TRPS1: variants seen among roughly 807,000 people sequenced by gnomAD.
The protein encoded by TRPS1 is transcriptional repressor GATA binding 1, also known as zinc finger transcription factor Trps1.
Under a neutral mutation model 101.2 loss-of-function variants are expected in TRPS1, and 6 were observed. That is an observed-to-expected ratio of 0.06 (90% confidence interval 0.03 to 0.12). The LOEUF (loss-of-function observed/expected upper bound fraction) is 0.12, where lower values mean the gene tolerates loss of function less well. TRPS1 is among the 10% of genes least tolerant of loss of function. The probability of loss-of-function intolerance (pLI) is 1.00; values close to 1 mark genes in which losing one functional copy is unlikely to be tolerated. For missense variants in TRPS1, 1,363 were observed against 1,567.0 expected (o/e 0.87, Z 2.20); for synonymous variants, 578 against 589.8 (o/e 0.98, Z 0.29).
At chr8:115,474,928 A>C (rs1668088408) in intron 5 of TRPS1, among the ~76,000 whole-genome samples, 1 of 152,158 alleles carries the variant, frequency 6.6e-6, no homozygotes, top group East Asian at 1.9e-4. Flanking sequence ...GAAAAGAGAA[A>C]AAAATTATGG....
chr8:115,557,686 T>C (rs982842032), intron 5 of TRPS1, among the ~76,000 whole-genome samples: 6 of 152,184 alleles, frequency 3.9e-5, no homozygotes, highest in African/African-American at 1.4e-4. Context: ...TGTGAGTCAA[T>C]GACACCTCTT....
intron 5 of TRPS1, among the ~76,000 whole-genome samples, chr8:115,488,356 C>T (rs1210439345): frequency 1.3e-5 from 2 of 152,062 alleles, no homozygotes; most frequent in African/African-American, 2.4e-5. Flanking sequence ...TGGTGTGGAA[C>T]CAAGCCCACA....
chr8:115,540,421 T>C (rs1816424770), intron 5 of TRPS1, among the ~76,000 whole-genome samples: 1 of 151,904 alleles, frequency 6.6e-6, no homozygotes, highest in South Asian at 2.1e-4. Flanking sequence ...ACGAAATGAG[T>C]CCAGCAACAA....
chr8:115,587,731 T>C, intron 4 of TRPS1, 127 bp from the exon 5 acceptor site: 1 of 1,496,914 alleles, frequency 6.7e-7, no homozygotes, highest in Non-Finnish European at 9.1e-7. Flanking sequence ...AAATGCAATA[T>C]TCTTAACACC....
intron 1 of TRPS1, among the ~76,000 whole-genome samples, chr8:115,650,503 A>G (rs1811535484): frequency 1.3e-5 from 2 of 152,236 alleles, no homozygotes; most frequent in Admixed American, 1.3e-4. Context: ...TTAATTTTCC[A>G]GAGCTGTTTA....
Position 115,668,028 on chromosome 8 carries a change from AGCGAGGGGGAGTGGGGCT to A in TRPS1, c.-122+499_-122+516del, listed in dbSNP as rs1811970071. On this transcript the variant is annotated intron_variant, in intron 1 of 6. Transcript: ENST00000395715. ...GAATTAAAATCAGCCAGAAAGAGAC[AGCGAGGGGGAGTGGGGCT>A]GCGAGGGGGAGGGGGCACCGGCCTG... The A allele has an allele frequency of 6.3e-6, 5 of 795,972 alleles. No individual in the cohort carries two copies. In the Admixed American group the frequency reaches 7.0e-5, roughly 11 times the overall value. The allele number at this position is 795,972 out of a possible 1,614,324, so 49.3% of individuals were successfully genotyped here.
In TRPS1 at chr8:115,619,958, T is replaced by A; in HGVS notation, c.140A>T (p.Asn47Ile). 6.2e-7 allele frequency: 1 copy of A among 1,614,224 alleles called. No homozygotes were observed. The highest frequency in any genetic ancestry group is 8.5e-7 in the Non-Finnish European group (1 of 1,180,046). The change falls in exon 3 of 7, where the codon AAC becomes ATC. Residue 47 changes from asparagine to isoleucine, a missense_variant. This residue lies in a region of TRPS1 where 1,020 missense variants were observed against 1,073.0 expected (regional missense o/e 0.95). Coordinates refer to ENST00000395715, the MANE Select transcript of TRPS1 (RefSeq NM_014112.5). Reference sequence around the variant, plus strand: ...CATCTGATCTGCAGAAAATTCTTTGTTCTTTCCAGATACCTTGCTTTCTGT... The same window carrying A: ...CATCTGATCTGCAGAAAATTCTTTGATCTTTCCAGATACCTTGCTTTCTGT... ...IGTESKVSGK[N>I]KEFSADQMSE... is the part of the protein sequence containing the mutation.
chr8:115,666,692 G>A (rs1182896390), intron 1 of TRPS1, among the ~76,000 whole-genome samples: 3 of 152,158 alleles, frequency 2.0e-5, no homozygotes, highest in African/African-American at 7.2e-5. Context: ...AGATCCATAG[G>A]TTTTAGCTTC....
At chr8:115,448,515 T>C (rs1262162980) in intron 5 of TRPS1, among the ~76,000 whole-genome samples, 2 of 152,140 alleles carry the variant, frequency 1.3e-5, no homozygotes, top group African/African-American at 4.8e-5. Flanking sequence ...TTTCCGGCTA[T>C]TCTTTCATGC....
At chr8:115,492,271 T>C (rs1481715367) in intron 5 of TRPS1, 7 of 455,998 alleles carry the variant, frequency 1.5e-5, no homozygotes, top group African/African-American at 1.4e-4. Context: ...GTTCAGGAAA[T>C]GTGTTTGGCG....
chr8:115,424,750 T>C (rs182946850), intron 5 of TRPS1, among the ~76,000 whole-genome samples: 8 of 152,370 alleles, frequency 5.3e-5, no homozygotes, highest in Admixed American at 4.6e-4. Flanking sequence ...TAATACTTGC[T>C]TATTTTCACA....
chr8:115,642,501 C>T (rs1440368897), intron 1 of TRPS1, among the ~76,000 whole-genome samples: 5 of 151,830 alleles, frequency 3.3e-5, no homozygotes, highest in African/African-American at 1.2e-4. Context: ...ACTTACATAA[C>T]CAAAAGAGTA....
chr8:115,469,251 C>T (rs1240171284), intron 5 of TRPS1, among the ~76,000 whole-genome samples: 1 of 152,160 alleles, frequency 6.6e-6, no homozygotes, highest in Non-Finnish European at 1.5e-5. Flanking sequence ...TTCACAGTTG[C>T]ATAACAGGCT....
Position 115,491,745 on chromosome 8 carries a change from C to T in TRPS1, c.2701-73293G>A, listed in dbSNP as rs955668471. 3.3e-5 allele frequency among the ~76,000 whole-genome samples: 5 copies of T among 152,180 alleles called. No individual in the cohort carries two copies. In the East Asian group the frequency reaches 9.6e-4, roughly 29 times the overall value. On this transcript the variant is annotated intron_variant, in intron 5 of 6. Transcript: ENST00000395715. Reference sequence around the variant, plus strand: ...AGCAAGCAAGCCTGATACTGCTGCCCACCCTCAACCGCCTGTTGCTGAGAA... The same window carrying T: ...AGCAAGCAAGCCTGATACTGCTGCCTACCCTCAACCGCCTGTTGCTGAGAA...
intron 6 of TRPS1, among the ~76,000 whole-genome samples, chr8:115,416,870 T>G (rs1812934664): frequency 1.3e-5 from 2 of 152,140 alleles, no homozygotes; most frequent in African/African-American, 4.8e-5. Context: ...ATATTAGCAT[T>G]ATAAACATAT....
At chr8:115,439,836 C>G (rs1431145663) in intron 5 of TRPS1, among the ~76,000 whole-genome samples, 1 of 152,178 alleles carries the variant, frequency 6.6e-6, no homozygotes, top group African/African-American at 2.4e-5. Flanking sequence ...TTACTGTATA[C>G]AGTGTCTCAC....
At chr8:115,494,651 T>G (rs1275421362) in intron 5 of TRPS1, among the ~76,000 whole-genome samples, 3 of 152,212 alleles carry the variant, frequency 2.0e-5, no homozygotes, top group African/African-American at 7.2e-5. Flanking sequence ...TTTTTTTCTC[T>G]CTTTCTCTCT....
At chr8:115,423,325 A>G (rs914998019) in intron 5 of TRPS1, among the ~76,000 whole-genome samples, 5 of 152,220 alleles carry the variant, frequency 3.3e-5, no homozygotes, top group Non-Finnish European at 1.5e-5. Flanking sequence ...GAATAATGGT[A>G]CAAACAGTTA....
At chr8:115,639,483 T>C (rs566181903) in intron 1 of TRPS1, among the ~76,000 whole-genome samples, 3 of 152,314 alleles carry the variant, frequency 2.0e-5, no homozygotes, top group East Asian at 3.9e-4. Context: ...TTGACTCTTA[T>C]GCTTTAAGAT....
Sources: gnomAD v4.1 joint callset for allele counts (sites outside exome capture counted in the v4.1 genomes callset) on GRCh38, gnomAD v4.1.1 for gene constraint, gnomAD v4.1.1 regional missense constraint, MANE v1.5 for transcripts, NCBI Gene and HGNC (gene_info 2026-07-23, HGNC 2026-07-21) for gene names.